The following ATAT1 variants were observed in gnomAD, a reference collection of about 807,000 sequenced individuals.
The protein encoded by ATAT1 is alpha tubulin acetyltransferase 1.
Under a neutral mutation model 57.2 loss-of-function variants are expected in ATAT1, and 42 were observed. The observed-to-expected ratio is 0.73, with a 90% CI of 0.57 to 0.95. The LOEUF (loss-of-function observed/expected upper bound fraction) is 0.95, where lower values mean the gene tolerates loss of function less well. Among genes scored for constraint, ATAT1 ranks in the 40% least tolerant of loss-of-function variants. The pLI is 0.00. For missense variants in ATAT1, 454 were observed against 523.7 expected (o/e 0.87, Z 1.30); for synonymous variants, 168 against 187.1 (o/e 0.90, Z 0.83).
chr6:30,627,727 C>A lies in ATAT1; in HGVS notation c.224C>A (p.Pro75Gln). 6.2e-7 allele frequency: 1 copy of A among 1,612,104 alleles called. No individual in the cohort carries two copies. Among genetic ancestry groups the A allele is most frequent in the Non-Finnish European group, 8.5e-7 (1 of 1,179,142 alleles). The change falls in exon 3 of 13, where the codon CCG (proline) becomes CAG (glutamine). Residue 75 changes from proline to glutamine, a missense_variant and splice_region_variant. Transcript: ENST00000330083. ...ATTCTCAAAGACAGTTCAGCCCGAC[C>A]GTGAGTGCCACATGCTCTTCCATCC...
intron 9 of ATAT1, 40 bp from the exon 10 acceptor site, chr6:30,642,725 TTTC>T (rs200091396): frequency 0.013 from 17,497 of 1,306,042 alleles, 317 homozygotes; most frequent in African/African-American, 0.076. Context: ...CTCTTCCTTT[TTTC>T]TTCTTTTTCT....
chr6:30,644,353 C>T (rs1766197825), intron 10 of ATAT1: 3 of 985,736 alleles, frequency 3.0e-6, no homozygotes, highest in Non-Finnish European at 3.6e-6. Flanking sequence ...AGCTAGGTCC[C>T]GATATACTCC....
chr6:30,639,917 T>A (rs1035846138), intron 6 of ATAT1, among the ~76,000 whole-genome samples: 6 of 151,996 alleles, frequency 3.9e-5, no homozygotes, highest in African/African-American at 1.4e-4. Context: ...AAGGATCACA[T>A]GAGCCCTGGA....
intron 6 of ATAT1, among the ~76,000 whole-genome samples, chr6:30,632,876 G>GCAGGGAGGTAGAGGTTT (rs1211428353): frequency 1.3e-5 from 2 of 151,458 alleles, no homozygotes; most frequent in East Asian, 3.9e-4. Flanking sequence ...GGTAGAGGTT[G>GCAGGGAGGTAGAGGTTT]CAGTGAGCTG....
Position 30,642,832 on chromosome 6 carries a change from A to AGGGGGGCG in ATAT1, c.754_755insGGGGGCGG (p.Ala252GlyfsTer70). ...GGGCCCCTCGCCGCGCCACACCTCC[A>AGGGGGGCG]GCCCACCCACCCCCCCGCTCCAGCA... On this transcript the variant is annotated frameshift_variant, in exon 10 of 13. Transcript: ENST00000330083. LOFTEE classifies it high-confidence loss of function. 4.9e-6 allele frequency: 6 copies of AGGGGGGCG among 1,230,736 alleles called. No homozygotes were observed. The highest frequency in any genetic ancestry group is 1.7e-5 in the African/African-American group (1 of 57,230). The allele number at this position is 1,230,736 out of a possible 1,614,324, so 76.2% of individuals were successfully genotyped here.
Position 30,642,225 on chromosome 6 carries a change from A to T in ATAT1, c.666A>T (p.Pro222=). 1 of 1,614,140 alleles carries T rather than the reference A, an allele frequency of 6.2e-7. No individual in the cohort carries two copies. The highest frequency in any genetic ancestry group is 2.2e-5 in the East Asian group (1 of 44,882). Residue 222 remains proline, a synonymous_variant, in exon 9 of 13, where the codon CCA becomes CCT. Coordinates refer to ENST00000330083, the MANE Select transcript of ATAT1 (RefSeq NM_001031722.4). ...AGAGAGCAGAGGGAGACATCAAGCC[A>T]TACTCCTCTAGTGACCGAGAATGTA... is the stretch of plus-strand genomic sequence containing the variant.
chr6:30,640,308 C>T (rs563677429), intron 6 of ATAT1, 69 bp from the exon 7 acceptor site: 7 of 1,526,776 alleles, frequency 4.6e-6, no homozygotes, highest in African/African-American at 4.1e-5. Context: ...CACCCAATGA[C>T]GTATTTCTCA....
chr6:30,641,447 G>C (rs1218775306), intron 8 of ATAT1, among the ~76,000 whole-genome samples: 2 of 152,196 alleles, frequency 1.3e-5, no homozygotes, highest in Non-Finnish European at 2.9e-5. Flanking sequence ...TCTCAGGCCT[G>C]CAGGGGAGGG....
intron 8 of ATAT1, among the ~76,000 whole-genome samples, chr6:30,641,114 CAT>C (rs1491189678): frequency 0.029 from 3,984 of 138,388 alleles, 66 homozygotes; most frequent in African/African-American, 0.051. Context: ...CATATACACA[CAT>C]ACACACACAC....
At chr6:30,641,785 C>T in intron 8 of ATAT1, 2 of 1,032,518 alleles carry the variant, frequency 1.9e-6, no homozygotes, top group Non-Finnish European at 1.2e-6. Flanking sequence ...CCATCTCATC[C>T]AGAGGAACCC....
intron 8 of ATAT1, chr6:30,641,646 T>C (rs1178895986): frequency 9.2e-6 from 4 of 435,262 alleles, no homozygotes; most frequent in Non-Finnish European, 9.1e-6. Context: ...ATATTTATTT[T>C]CTTTTTTTTT....
chr6:30,642,020 G>T, intron 8 of ATAT1, 156 bp from the exon 9 acceptor site: 1 of 1,512,194 alleles, frequency 6.6e-7, no homozygotes, highest in Non-Finnish European at 8.9e-7. Context: ...TTCCCTTTTG[G>T]TGTGCTGGCA....
chr6:30,633,320 G>C (rs1356504777), intron 6 of ATAT1, among the ~76,000 whole-genome samples: 1 of 152,158 alleles, frequency 6.6e-6, no homozygotes, highest in Non-Finnish European at 1.5e-5. Flanking sequence ...TGGAGATCAG[G>C]GAGGAGGTTT....
Position 30,627,097 on chromosome 6 carries a change from T to A in ATAT1, c.-107T>A. 1 of 1,563,594 alleles carries A rather than the reference T, an allele frequency of 6.4e-7. No homozygotes were observed. The highest frequency in any genetic ancestry group is 8.7e-7 in the Non-Finnish European group (1 of 1,152,086). ...ACTGACTAGTGATCGCCCCTTTTGATGTCCAGGCCTGCCTTTTTGGTGACC... is the reference window on the plus strand; with the variant it reads ...ACTGACTAGTGATCGCCCCTTTTGAAGTCCAGGCCTGCCTTTTTGGTGACC... On this transcript the variant is annotated 5_prime_UTR_variant, in exon 1 of 13. Transcript: ENST00000330083.
chr6:30,636,585 C>A (rs1764133550), intron 6 of ATAT1, among the ~76,000 whole-genome samples: 1 of 149,474 alleles, frequency 6.7e-6, no homozygotes, highest in African/African-American at 2.5e-5. Flanking sequence ...GACACTGTCT[C>A]AAAAAAAATA....
chr6:30,638,432 A>C (rs1247390480), intron 6 of ATAT1, among the ~76,000 whole-genome samples: 2 of 151,974 alleles, frequency 1.3e-5, no homozygotes, highest in Non-Finnish European at 2.9e-5. Flanking sequence ...AGCTAGGATT[A>C]CAGGCGCACG....
At chr6:30,629,940 A>T (rs1762500453) in intron 6 of ATAT1, among the ~76,000 whole-genome samples, 1 of 152,216 alleles carries the variant, frequency 6.6e-6, no homozygotes, top group African/African-American at 2.4e-5. Context: ...GTATTTATTA[A>T]GGGTCCAGAA....
chr6:30,644,577 A>C, intron 10 of ATAT1: 1 of 981,478 alleles, frequency 1.0e-6, no homozygotes, highest in Non-Finnish European at 1.2e-6. Context: ...TCCCCTACTC[A>C]CTCTTCCCTT....
At chr6:30,634,986 T>C (rs908385754) in intron 6 of ATAT1, among the ~76,000 whole-genome samples, 3 of 152,098 alleles carry the variant, frequency 2.0e-5, no homozygotes, top group African/African-American at 7.2e-5. Flanking sequence ...AGACTACATC[T>C]CAAAAACAAC....
Sources: gnomAD v4.1 joint callset for allele counts (sites outside exome capture counted in the v4.1 genomes callset) on GRCh38, gnomAD v4.1.1 for gene constraint, MANE v1.5 for transcripts, NCBI Gene and HGNC (gene_info 2026-07-23, HGNC 2026-07-21) for gene names.